PLXDC1: variants seen among roughly 807,000 people sequenced by gnomAD.
The protein encoded by PLXDC1 is plexin domain-containing protein 1.
A neutral mutation model predicts 61.3 loss-of-function variants in PLXDC1; 39 were observed. The ratio of observed to expected loss-of-function variants is 0.64; its 90% CI spans 0.49 to 0.83. The LOEUF (loss-of-function observed/expected upper bound fraction) is 0.83. PLXDC1 is among the 40% of genes least tolerant of loss of function. The pLI, the probability that PLXDC1 is intolerant of heterozygous loss-of-function variation, is 0.00. For missense variants in PLXDC1, 596 were observed against 666.5 expected (o/e 0.89, Z 1.17); for synonymous variants, 212 against 254.5 (o/e 0.83, Z 1.59).
chr17:39,067,969 G>C lies in PLXDC1; in HGVS notation c.1384-10C>G, dbSNP rs1013723628. On this transcript the variant is annotated splice_polypyrimidine_tract_variant and intron_variant, in intron 13 of 13. Transcript: ENST00000315392. Reference sequence around the variant, plus strand: ...AGTGGTGAGGTCTACGCTGCAGAAGGCACAGAGGCAAAGTCAGTGGGCATG... The same window carrying C: ...AGTGGTGAGGTCTACGCTGCAGAAGCCACAGAGGCAAAGTCAGTGGGCATG... 12 of 1,612,802 alleles carry C rather than the reference G, an allele frequency of 7.4e-6. No homozygotes were observed. The African/African-American group carries it at 1.3e-4, about 18-fold the overall frequency.
At chr17:39,078,649 T>C (rs1909434938) in intron 10 of PLXDC1, among the ~76,000 whole-genome samples, 1 of 152,046 alleles carries the variant, frequency 6.6e-6, no homozygotes, top group Admixed American at 6.6e-5. Context: ...ATTCTTGCAG[T>C]GAGAAGGAAC....
chr17:39,138,440 A>G (rs571647911), intron 2 of PLXDC1, among the ~76,000 whole-genome samples: 1 of 152,218 alleles, frequency 6.6e-6, no homozygotes, highest in African/African-American at 2.4e-5. Flanking sequence ...AACCGAGCAC[A>G]CGGATTGAAC....
chr17:39,101,951 A>T (rs1384461440), intron 7 of PLXDC1, among the ~76,000 whole-genome samples: 1 of 152,156 alleles, frequency 6.6e-6, no homozygotes, highest in Non-Finnish European at 1.5e-5. Flanking sequence ...AGGCAGGCAG[A>T]TATTGGGAAG....
At chr17:39,146,474 C>A (rs1206226311) in intron 1 of PLXDC1, among the ~76,000 whole-genome samples, 1 of 151,740 alleles carries the variant, frequency 6.6e-6, no homozygotes, top group Non-Finnish European at 1.5e-5. Context: ...TCCAGGAGTT[C>A]GAGACCAGAC....
At position 39,109,400 on chromosome 17, in the gene PLXDC1, A is replaced by T; in HGVS notation, c.256-9T>A. 6.3e-7 allele frequency: 1 copy of T among 1,575,444 alleles called. No individual in the cohort carries two copies. The highest frequency in any genetic ancestry group is 8.6e-7 in the Non-Finnish European group (1 of 1,160,456). On this transcript the variant is annotated splice_polypyrimidine_tract_variant and intron_variant, in intron 2 of 13. Transcript: ENST00000315392. ...TAGCTGTGGTTGTCCTCCTGCCGGC[A>T]CCCAAGATAAAGCCCACAGGAGGTG... is the stretch of plus-strand genomic sequence containing the variant.
chr17:39,111,990 T>G (rs967338270), intron 2 of PLXDC1: 2 of 152,202 alleles, frequency 1.3e-5, no homozygotes, highest in African/African-American at 4.8e-5. Context: ...TTCCCCATCC[T>G]CCAGGAGAAC....
intron 7 of PLXDC1, among the ~76,000 whole-genome samples, chr17:39,092,996 C>G (rs1419924186): frequency 6.6e-6 from 1 of 152,206 alleles, no homozygotes; most frequent in Non-Finnish European, 1.5e-5. Flanking sequence ...CTCCAGCACA[C>G]CCCTGCTGAG....
intron 2 of PLXDC1, among the ~76,000 whole-genome samples, chr17:39,111,378 G>A (rs995690045): frequency 6.6e-6 from 1 of 152,306 alleles, no homozygotes; most frequent in African/African-American, 2.4e-5. Flanking sequence ...TCCGTCTCCC[G>A]GGTTCAAGCG....
intron 7 of PLXDC1, among the ~76,000 whole-genome samples, chr17:39,088,805 TG>T (rs1442633024): frequency 6.6e-6 from 1 of 151,550 alleles, no homozygotes; most frequent in African/African-American, 2.4e-5. Context: ...AAAAATTAGC[TG>T]GGTGTGGTGG....
At chr17:39,140,411 T>C (rs1435096534) in intron 1 of PLXDC1, among the ~76,000 whole-genome samples, 1 of 152,208 alleles carries the variant, frequency 6.6e-6, no homozygotes. Flanking sequence ...GTTCACGCCA[T>C]TCTCCTGCCT....
intron 7 of PLXDC1, among the ~76,000 whole-genome samples, chr17:39,103,182 T>C (rs1470873919): frequency 1.3e-5 from 2 of 149,248 alleles, no homozygotes; most frequent in Admixed American, 6.7e-5. Context: ...ATCACTGCAC[T>C]CCAGCCTGGG....
At position 39,072,228 on chromosome 17, in the gene PLXDC1, T is replaced by C. The variant is rs934598690; in HGVS notation, c.1222+222A>G. 78 of 579,170 alleles carry C rather than the reference T, an allele frequency of 1.3e-4. No homozygotes were observed. The African/African-American group carries it at 1.4e-3, about 11-fold the overall frequency. The allele number at this position is 579,170 out of a possible 1,614,324, so 35.9% of individuals were successfully genotyped here. A position where few individuals can be genotyped will look rare whatever the true frequency, so the allele number is the denominator to read the frequency against. On this transcript the variant is annotated intron_variant, in intron 12 of 13. Transcript: ENST00000315392. Reference sequence around the variant, plus strand: ...AGAAGAACCACAGGAGGTTCAGGGCTGAGATGAGAAATGTCTAGGGTAGAC... The same window carrying C: ...AGAAGAACCACAGGAGGTTCAGGGCCGAGATGAGAAATGTCTAGGGTAGAC...
chr17:39,120,835 C>G (rs1219023085), intron 2 of PLXDC1, among the ~76,000 whole-genome samples: 2 of 151,110 alleles, frequency 1.3e-5, no homozygotes, highest in Admixed American at 6.6e-5. Context: ...ACAATCTCGG[C>G]TCCCTGCAAC....
intron 8 of PLXDC1, among the ~76,000 whole-genome samples, chr17:39,085,420 C>T (rs928449351): frequency 6.6e-6 from 1 of 152,234 alleles, no homozygotes; most frequent in Admixed American, 6.5e-5. Context: ...GGAACAGTGC[C>T]TGGCACATGG....
chr17:39,107,941 T>C, intron 5 of PLXDC1, 182 bp downstream of exon 5: 2 of 692,930 alleles, frequency 2.9e-6, no homozygotes, highest in South Asian at 3.5e-5. Context: ...CATCAGATTC[T>C]TCTGGGTAGC....
chr17:39,086,719 G>A (rs1205006371), intron 8 of PLXDC1, among the ~76,000 whole-genome samples: 3 of 151,866 alleles, frequency 2.0e-5, no homozygotes, highest in Non-Finnish European at 4.4e-5. Context: ...AAAATTAGCC[G>A]GGCATGGTGG....
rs149611241 is a variant in PLXDC1 at position 39,064,986 on chromosome 17, C to G, written c.*2854G>C. The stretch of plus-strand genomic sequence containing the variant: ...TGGCCTGATTCCATGGACAGCACCA[C>G]TCATCTCACTCCCCAACTCTAGCAC... On this transcript the variant is annotated 3_prime_UTR_variant, in exon 14 of 14. Coordinates refer to ENST00000315392, the MANE Select transcript of PLXDC1 (RefSeq NM_020405.5). 1 of 152,206 alleles carries G rather than the reference C, an allele frequency of 6.6e-6. No homozygotes were observed. Among genetic ancestry groups the G allele is most frequent in the African/African-American group, 2.4e-5 (1 of 41,436 alleles). 9.4% of individuals were successfully genotyped at this position (152,206 alleles called of 1,614,324 possible). A position where few individuals can be genotyped will look rare whatever the true frequency, so the allele number is the denominator to read the frequency against.
At chr17:39,075,417 T>C (rs957726516) in intron 11 of PLXDC1, among the ~76,000 whole-genome samples, 7 of 152,194 alleles carry the variant, frequency 4.6e-5, no homozygotes, top group African/African-American at 1.7e-4. Context: ...TGAATTCACA[T>C]AGACCCTTTT....
At chr17:39,074,751 T>C (rs1013407050) in intron 11 of PLXDC1, among the ~76,000 whole-genome samples, 7 of 152,162 alleles carry the variant, frequency 4.6e-5, no homozygotes, top group Non-Finnish European at 8.8e-5. Flanking sequence ...CAGGGTATGT[T>C]TGCAGCACCC....
Sources: gnomAD v4.1 joint callset for allele counts (sites outside exome capture counted in the v4.1 genomes callset) on GRCh38, gnomAD v4.1.1 for gene constraint, MANE v1.5 for transcripts, NCBI Gene and HGNC (gene_info 2026-07-23, HGNC 2026-07-21) for gene names.